The following ABL2 variants were observed in gnomAD, a reference collection of about 807,000 sequenced individuals.
ABL2 encodes the protein ABL proto-oncogene 2, non-receptor tyrosine kinase.
ABL2 carries 49 observed loss-of-function variants against 107.7 expected under a neutral mutation model. That is an observed-to-expected ratio of 0.45 (90% CI 0.36 to 0.58). The LOEUF (loss-of-function observed/expected upper bound fraction) is 0.58. Ranked by LOEUF, ABL2 falls within the 20% of genes least tolerant of loss-of-function variation. The probability of loss-of-function intolerance (pLI) is 0.00; values close to 1 mark genes in which losing one functional copy is unlikely to be tolerated. For synonymous variants in ABL2, 549 were observed against 548.6 expected, an observed-to-expected ratio of 1.00 and a Z score of -0.01; for missense variants, 1,245 against 1,457.0, an observed-to-expected ratio of 0.85 and a Z score of 2.37.
At chr1:179,177,239 C>A (rs1557977116) in intron 1 of ABL2, among the ~76,000 whole-genome samples, 1 of 152,190 alleles carries the variant, frequency 6.6e-6, no homozygotes, top group Non-Finnish European at 1.5e-5. Flanking sequence ...CCAACAAACA[C>A]TGTCAAGACC....
chr1:179,166,682 G>T (rs1269657010), intron 1 of ABL2, among the ~76,000 whole-genome samples: 1 of 150,772 alleles, frequency 6.6e-6, no homozygotes, highest in African/African-American at 2.4e-5. Context: ...GAGGCTGAGG[G>T]AGGAGAATCG....
chr1:179,215,673 C>T (rs76729662), intron 1 of ABL2, among the ~76,000 whole-genome samples: 9,888 of 150,720 alleles, frequency 0.066, 442 homozygotes, highest in Non-Finnish European at 0.089. Context: ...CCAGCCTGGG[C>T]AACAGAGCCA....
intron 1 of ABL2, among the ~76,000 whole-genome samples, chr1:179,190,619 G>C (rs1660951720): frequency 6.6e-6 from 1 of 152,042 alleles, no homozygotes; most frequent in African/African-American, 2.4e-5. Flanking sequence ...GGATGGAGGG[G>C]GGTGAGGGGG....
intron 1 of ABL2, among the ~76,000 whole-genome samples, chr1:179,139,297 A>G (rs1346020564): frequency 6.6e-6 from 1 of 152,008 alleles, no homozygotes; most frequent in African/African-American, 2.4e-5. Context: ...GAACAACTCC[A>G]AACGCGCTAC....
chr1:179,135,689 G>A lies in ABL2; in HGVS notation c.158-2315C>T, dbSNP rs542559562. 1.9e-3 allele frequency among the ~76,000 whole-genome samples: 288 copies of A among 148,696 alleles called. 1 individual carries two copies. The highest frequency in any genetic ancestry group is 6.4e-3 in the African/African-American group (257 of 40,298). On this transcript the variant is annotated intron_variant, in intron 1 of 11. Coordinates refer to ENST00000502732, the MANE Select transcript of ABL2 (RefSeq NM_007314.4). ...CCGCCTGGCCAGCCGCCCCATCCGG[G>A]AGGTGAGGGGTGCCTCTGCCCGGCC...
intron 1 of ABL2, 40 bp downstream of exon 1, chr1:179,229,201 C>A: frequency 7.2e-7 from 1 of 1,381,520 alleles, no homozygotes; most frequent in East Asian, 3.0e-5. Flanking sequence ...CCACCCCCGG[C>A]CTCCCCCACG....
intron 1 of ABL2, among the ~76,000 whole-genome samples, chr1:179,138,169 G>A (rs1449223578): frequency 6.6e-6 from 1 of 152,190 alleles, no homozygotes; most frequent in Non-Finnish European, 1.5e-5. Context: ...TGATAACTCA[G>A]TTACTTTGAT....
chr1:179,229,640 G>GCCGCCGCCGCCGCCA lies in ABL2; in HGVS notation c.-258_-244dup, dbSNP rs1335721493. Reference sequence around the variant, plus strand: ...GCGGCTCCGCGCCCCCAACGCCGCCGCCGCCGCCGCCGCCACCGCCGCCGC... The same window carrying GCCGCCGCCGCCGCCA: ...GCGGCTCCGCGCCCCCAACGCCGCCGCCGCCGCCGCCGCCACCGCCGCCGCCGCCACCGCCGCCGC... On this transcript the variant is annotated 5_prime_UTR_variant, in exon 1 of 12. Coordinates refer to ENST00000502732, the MANE Select transcript of ABL2 (RefSeq NM_007314.4). 3.0e-4 allele frequency: 149 copies of GCCGCCGCCGCCGCCA among 497,018 alleles called. No individual in the cohort carries two copies. Among genetic ancestry groups the GCCGCCGCCGCCGCCA allele is most frequent in the African/African-American group, 2.2e-3 (107 of 48,048 alleles). 30.8% of individuals were successfully genotyped at this position (497,018 alleles called of 1,614,324 possible). A position where few individuals can be genotyped will look rare whatever the true frequency, so the allele number is the denominator to read the frequency against.
rs1653190114 is a variant in ABL2 at position 179,102,632 on chromosome 1, A to G, written c.*5086T>C. 1 of 228,748 alleles carries G rather than the reference A, an allele frequency of 4.4e-6. No individual in the cohort carries two copies. The highest frequency in any genetic ancestry group is 8.7e-6 in the Non-Finnish European group (1 of 115,400). 14.2% of individuals were successfully genotyped at this position (228,748 alleles called of 1,614,324 possible). On this transcript the variant is annotated 3_prime_UTR_variant, in exon 12 of 12. Coordinates refer to ENST00000502732, the MANE Select transcript of ABL2 (RefSeq NM_007314.4). ...TAATGCAAGATGATGAAACTCAAAAATCAAGAACAAAAATATAGATAACCC... is the reference window on the plus strand; with the variant it reads ...TAATGCAAGATGATGAAACTCAAAAGTCAAGAACAAAAATATAGATAACCC...
chr1:179,116,507 C>CT (rs1217815342), intron 8 of ABL2, among the ~76,000 whole-genome samples: 1 of 151,568 alleles, frequency 6.6e-6, no homozygotes, highest in African/African-American at 2.4e-5. Context: ...AAACTTTCTT[C>CT]TTTCTTTTTT....
chr1:179,120,150 A>AT, intron 6 of ABL2, 40 bp downstream of exon 6: 1 of 1,401,722 alleles, frequency 7.1e-7, no homozygotes, highest in Non-Finnish European at 9.8e-7. Context: ...AAGGGCAAGC[A>AT]TTTTTGGAGG....
At chr1:179,159,450 G>A (rs1658926084) in intron 1 of ABL2, among the ~76,000 whole-genome samples, 1 of 152,184 alleles carries the variant, frequency 6.6e-6, no homozygotes, top group Admixed American at 6.5e-5. Flanking sequence ...GGCAACAGCT[G>A]TTTATGATGG....
intron 1 of ABL2, among the ~76,000 whole-genome samples, chr1:179,174,332 G>C (rs1659902635): frequency 6.6e-6 from 1 of 151,776 alleles, no homozygotes; most frequent in Non-Finnish European, 1.5e-5. Context: ...GTAAGGCTGG[G>C]GCCTGGTGGC....
chr1:179,129,366 T>C (rs1193514502), intron 3 of ABL2, among the ~76,000 whole-genome samples: 1 of 152,216 alleles, frequency 6.6e-6, no homozygotes, highest in African/African-American at 2.4e-5. Context: ...AAGTATATTG[T>C]AGTCCAAAGA....
chr1:179,156,805 G>C (rs553533280), intron 1 of ABL2, among the ~76,000 whole-genome samples: 1 of 152,094 alleles, frequency 6.6e-6, no homozygotes, highest in South Asian at 2.1e-4. Flanking sequence ...GTGAACCAGG[G>C]AAACAGAGGC....
intron 1 of ABL2, among the ~76,000 whole-genome samples, chr1:179,147,816 C>T (rs1658106510): frequency 6.6e-6 from 1 of 152,184 alleles, no homozygotes; most frequent in Non-Finnish European, 1.5e-5. Flanking sequence ...CATGGAAGAA[C>T]TGCACTTGTA....
chr1:179,222,510 C>A (rs113411890), intron 1 of ABL2, among the ~76,000 whole-genome samples: 1 of 152,006 alleles, frequency 6.6e-6, no homozygotes, highest in Admixed American at 6.5e-5. Flanking sequence ...CCTGCCTCAG[C>A]CTCTTGAGTA....
Position 179,126,526 on chromosome 1 carries a change from G to A in ABL2, c.538C>T (p.Arg180Cys), listed in dbSNP as rs755948346. ...KHSWYHGPVS[R>C]SAAEYLLSSL... ...CTGAGCAGATACTCAGCTGCACTGC[G>A]TGACACAGGTCCATGGTACCAGGAG... Residue 180 changes from arginine (R) to cysteine (C), a missense_variant, in exon 4 of 12, where the codon CGC (arginine) becomes TGC (cysteine). Coordinates refer to ENST00000502732, the MANE Select transcript of ABL2 (RefSeq NM_007314.4). The surrounding 1 kb of genome is among the most constrained non-coding windows in gnomAD (Gnocchi z 4.4). The A allele has an allele frequency of 4.3e-6, 7 of 1,614,048 alleles. No homozygotes were observed. The highest frequency in any genetic ancestry group is 5.1e-6 in the Non-Finnish European group (6 of 1,180,046).
chr1:179,117,206 A>G (rs1026692675), intron 8 of ABL2, 126 bp downstream of exon 8: 1 of 987,024 alleles, frequency 1.0e-6, no homozygotes, highest in African/African-American at 1.7e-5. Flanking sequence ...TGCTTGCTGA[A>G]TAACTGAAGA....
Sources: allele counts gnomAD v4.1 joint callset (sites outside exome capture counted in the v4.1 genomes callset), GRCh38; gene constraint gnomAD v4.1.1; non-coding constraint Gnocchi (gnomAD v3.1); transcripts MANE v1.5; gene names NCBI Gene and HGNC (gene_info 2026-07-23, HGNC 2026-07-21).